The following ST6GAL2 variants were observed in gnomAD, a reference collection of about 807,000 sequenced individuals.
The protein encoded by ST6GAL2 is beta-galactoside alpha-2,6-sialyltransferase 2.
A neutral mutation model predicts 37.5 loss-of-function variants in ST6GAL2; 24 were observed. The ratio of observed to expected loss-of-function variants is 0.64; its 90% confidence interval spans 0.46 to 0.90. The LOEUF (loss-of-function observed/expected upper bound fraction) is 0.90. Among genes scored for constraint, ST6GAL2 ranks in the 40% least tolerant of loss-of-function variants. ST6GAL2 has a pLI of 0.00. For missense variants in ST6GAL2, 715 were observed against 712.7 expected, an observed-to-expected ratio of 1.00 and a Z score of -0.04; for synonymous variants, 306 against 295.1, an observed-to-expected ratio of 1.04 and a Z score of -0.38.
At chr2:106,865,748 G>A (rs1485378167) in intron 1 of ST6GAL2, among the ~76,000 whole-genome samples, 2 of 152,186 alleles carry the variant, frequency 1.3e-5, no homozygotes, top group African/African-American at 4.8e-5. Context: ...TACAGAGGAG[G>A]AAAGCAAGTT....
intron 1 of ST6GAL2, among the ~76,000 whole-genome samples, chr2:106,879,082 T>C (rs753316884): frequency 9.8e-5 from 15 of 152,308 alleles, no homozygotes; most frequent in Non-Finnish European, 1.8e-4. Flanking sequence ...AAGAGGCACA[T>C]TGTGTAATAC....
intron 1 of ST6GAL2, among the ~76,000 whole-genome samples, chr2:106,884,161 G>C (rs1573335891): frequency 6.6e-6 from 1 of 152,272 alleles, no homozygotes; most frequent in African/African-American, 2.4e-5. Flanking sequence ...AGCACGTACA[G>C]GAATTTTTTC....
At chr2:106,831,792 C>G (rs1676435646) in intron 4 of ST6GAL2, among the ~76,000 whole-genome samples, 1 of 152,172 alleles carries the variant, frequency 6.6e-6, no homozygotes, top group Non-Finnish European at 1.5e-5. Context: ...AGATCTTTCC[C>G]TGACACTCAT....
At chr2:106,874,147 A>G (rs1366409752) in intron 1 of ST6GAL2, among the ~76,000 whole-genome samples, 3 of 152,190 alleles carry the variant, frequency 2.0e-5, no homozygotes, top group Non-Finnish European at 2.9e-5. Flanking sequence ...CTTACAGTTT[A>G]GCAGGGATGG....
At chr2:106,829,251 A>G (rs1868256) in intron 5 of ST6GAL2, among the ~76,000 whole-genome samples, 129,132 of 152,224 alleles carry the variant, frequency 0.85, 54,958 homozygotes, top group East Asian at 0.94. Context: ...GCCCTGCAGT[A>G]ACTCTGGCCA....
At chr2:106,836,587 AAT>A (rs1453877421) in intron 2 of ST6GAL2, among the ~76,000 whole-genome samples, 1 of 151,656 alleles carries the variant, frequency 6.6e-6, no homozygotes, top group Non-Finnish European at 1.5e-5. Flanking sequence ...ATATATATAT[AAT>A]ATGTTAGTCA....
intron 1 of ST6GAL2, among the ~76,000 whole-genome samples, chr2:106,852,095 G>A (rs1677389150): frequency 6.6e-6 from 1 of 152,170 alleles, no homozygotes; most frequent in South Asian, 2.1e-4. Context: ...ACTGCTAAAG[G>A]CAGAACACCA....
chr2:106,878,181 T>C (rs575930258), intron 1 of ST6GAL2, among the ~76,000 whole-genome samples: 1 of 152,312 alleles, frequency 6.6e-6, no homozygotes, highest in East Asian at 1.9e-4. Flanking sequence ...AAATACAGTA[T>C]AGGCTGGCAT....
intron 5 of ST6GAL2, among the ~76,000 whole-genome samples, chr2:106,825,429 A>G (rs1261600538): frequency 6.6e-6 from 1 of 152,246 alleles, no homozygotes; most frequent in Non-Finnish European, 1.5e-5. Flanking sequence ...TGTGAGCCAG[A>G]ATCATCCAAC....
At chr2:106,865,701 G>A (rs1677998708) in intron 1 of ST6GAL2, among the ~76,000 whole-genome samples, 1 of 152,160 alleles carries the variant, frequency 6.6e-6, no homozygotes, top group Non-Finnish European at 1.5e-5. Flanking sequence ...TGTCAGACAT[G>A]TGTGACACTC....
intron 5 of ST6GAL2, among the ~76,000 whole-genome samples, chr2:106,808,965 C>T (rs898104407): frequency 1.3e-5 from 2 of 152,158 alleles, no homozygotes; most frequent in African/African-American, 4.8e-5. Flanking sequence ...CAAGATTGCA[C>T]CACTGGACTC....
intron 1 of ST6GAL2, among the ~76,000 whole-genome samples, chr2:106,878,643 AT>A (rs1175380656): frequency 1.3e-5 from 2 of 152,328 alleles, no homozygotes; most frequent in East Asian, 3.9e-4. Flanking sequence ...TTTAGATAGA[AT>A]CTACATTGTA....
At chr2:106,832,521 C>T (rs774580898) in intron 4 of ST6GAL2, 44 bp downstream of exon 4, 16 of 1,003,462 alleles carry the variant, frequency 1.6e-5, no homozygotes, top group African/African-American at 3.3e-5. Flanking sequence ...TAGTCAAAGC[C>T]ATTGTCTGAC....
In ST6GAL2 at chr2:106,843,035, C is replaced by A; in HGVS notation, c.943G>T (p.Asp315Tyr). ...ACCTGGTCCCCCCGCTGAGACCTAC[C>A]TATTTCCTCGCCCAAGGAAGAGTTG... ...ILNSSLGEEI[D>Y]SHDAVLRFNS... The change falls in exon 2 of 6, where the codon GAT becomes TAT. Residue 315 changes from aspartate to tyrosine, a missense_variant and splice_region_variant. This residue lies in a region of ST6GAL2 where 512 missense variants were observed against 488.8 expected (regional missense o/e 1.05). Transcript: ENST00000409382. The A allele has an allele frequency of 7.1e-7, 1 of 1,416,034 alleles. No individual in the cohort carries two copies. Among genetic ancestry groups the A allele is most frequent in the Non-Finnish European group, 9.2e-7 (1 of 1,082,432 alleles). The allele number at this position is 1,416,034 out of a possible 1,614,324, so 87.7% of individuals were successfully genotyped here. A position where few individuals can be genotyped will look rare whatever the true frequency, so the allele number is the denominator to read the frequency against.
At chr2:106,835,372 T>A (rs1676594709) in intron 2 of ST6GAL2, among the ~76,000 whole-genome samples, 1 of 152,214 alleles carries the variant, frequency 6.6e-6, no homozygotes, top group South Asian at 2.1e-4. Context: ...TTTGGAGTTG[T>A]CTTCTTGCTC....
chr2:106,835,295 T>TA (rs1173450350), intron 2 of ST6GAL2, among the ~76,000 whole-genome samples: 1 of 152,138 alleles, frequency 6.6e-6, no homozygotes, highest in Non-Finnish European at 1.5e-5. Context: ...GCTGCATTTA[T>TA]AGTCCCCGAG....
chr2:106,876,414 C>T (rs942470503), intron 1 of ST6GAL2, among the ~76,000 whole-genome samples: 1 of 152,148 alleles, frequency 6.6e-6, no homozygotes, highest in African/African-American at 2.4e-5. Context: ...CAATGATGAA[C>T]AAATATTGAA....
chr2:106,824,373 C>T (rs1175860494), intron 5 of ST6GAL2, among the ~76,000 whole-genome samples: 2 of 152,202 alleles, frequency 1.3e-5, no homozygotes, highest in Non-Finnish European at 1.5e-5. Context: ...TGACTCATGC[C>T]TGTAATCCCA....
intron 5 of ST6GAL2, among the ~76,000 whole-genome samples, chr2:106,808,288 A>G (rs1303772852): frequency 1.3e-5 from 2 of 152,176 alleles, no homozygotes; most frequent in Admixed American, 1.3e-4. Context: ...GACAAGGGGT[A>G]GAAGGAAACA....
Sources: gnomAD v4.1 joint callset for allele counts (sites outside exome capture counted in the v4.1 genomes callset) on GRCh38, gnomAD v4.1.1 for gene constraint, gnomAD v4.1.1 regional missense constraint, MANE v1.5 for transcripts, NCBI Gene and HGNC (gene_info 2026-07-23, HGNC 2026-07-21) for gene names.